Variants in BAIAP2 observed in about 807,000 individuals in gnomAD.
BAIAP2 encodes the protein BAR/IMD domain containing adaptor protein 2, also known as BAR/IMD domain-containing adapter protein 2.
In BAIAP2, 18 loss-of-function variants were observed where a neutral mutation model predicts 63.0. The observed-to-expected ratio is 0.29, with a 90% confidence interval of 0.20 to 0.42. The LOEUF (loss-of-function observed/expected upper bound fraction) is 0.42. BAIAP2 is among the 10% of genes least tolerant of loss of function. The pLI is 1.00. For synonymous variants in BAIAP2, 386 were observed against 307.6 expected, an observed-to-expected ratio of 1.25 and a Z score of -2.67; for missense variants, 610 against 734.3, an observed-to-expected ratio of 0.83 and a Z score of 1.96.
At chr17:81,061,383 C>G (rs1375235774) in intron 3 of BAIAP2, among the ~76,000 whole-genome samples, 1 of 152,152 alleles carries the variant, frequency 6.6e-6, no homozygotes, top group African/African-American at 2.4e-5. Flanking sequence ...AAGCTGTGGC[C>G]ACAATCACAA....
intron 1 of BAIAP2, among the ~76,000 whole-genome samples, chr17:81,037,549 G>A (rs1366923326): frequency 6.6e-6 from 1 of 152,262 alleles, no homozygotes; most frequent in East Asian, 1.9e-4. Flanking sequence ...ATAGTCAGGA[G>A]ACCGCTGAGG....
In BAIAP2 at chr17:81,057,973, A is replaced by ACACCCCCCCCCCCCCCCC. The variant is rs2049872248; in HGVS notation, c.217+7_217+8insACCCCCCCCCCCCCCCCC. 1 of 700,452 alleles carries ACACCCCCCCCCCCCCCCC rather than the reference A, an allele frequency of 1.4e-6. No homozygotes were observed. Among genetic ancestry groups the ACACCCCCCCCCCCCCCCC allele is most frequent in the Non-Finnish European group, 1.9e-6 (1 of 539,718 alleles). 43.4% of individuals were successfully genotyped at this position (700,452 alleles called of 1,614,324 possible). A position where few individuals can be genotyped will look rare whatever the true frequency, so the allele number is the denominator to read the frequency against. On this transcript the variant is annotated splice_region_variant and intron_variant, in intron 3 of 13. Transcript: ENST00000428708. ...CCAGGGCTCCAAAGAACTCGGTGAG[A>ACACCCCCCCCCCCCCCCC]CCCCCCCCCCCCCCCCGCCTGGTAG...
rs1236622737 is a variant in BAIAP2, at chr17:81,073,663, CCA to C, written c.218-11168_218-11167del. Among the ~76,000 whole-genome samples the C allele has an allele frequency of 2.0e-5, 3 of 152,208 alleles. No individual in the cohort carries two copies. The East Asian group carries it at 5.8e-4, about 29-fold the overall frequency. ...TCCGAGGCCCAGGCTCTTCCCTCCC[CCA>C]GTCTTTTTCACTGTCTCTGAGATTC... On this transcript the variant is annotated intron_variant, in intron 3 of 13. Transcript: ENST00000428708.
chr17:81,036,884 C>G, intron 1 of BAIAP2: 1 of 1,535,924 alleles, frequency 6.5e-7, no homozygotes, highest in Non-Finnish European at 8.7e-7. Flanking sequence ...GAAGTACCAG[C>G]GGAACCTTTT....
At chr17:81,080,679 G>A (rs2054462152) in intron 3 of BAIAP2, among the ~76,000 whole-genome samples, 2 of 152,208 alleles carry the variant, frequency 1.3e-5, no homozygotes, top group African/African-American at 4.8e-5. Flanking sequence ...GGGAACACGT[G>A]CTTGTTATCT....
At chr17:81,093,949 C>CG (rs1201016464) in intron 6 of BAIAP2, among the ~76,000 whole-genome samples, 5 of 151,342 alleles carry the variant, frequency 3.3e-5, no homozygotes, top group African/African-American at 1.2e-4. Context: ...CCACCACCCC[C>CG]GTGAGGACAG....
chr17:81,098,026 A>G lies in BAIAP2; in HGVS notation c.490-1902A>G, dbSNP rs549940628. The G allele has an allele frequency of 4.7e-6, 5 of 1,058,438 alleles. No homozygotes were observed. The East Asian group carries it at 9.7e-5, about 21-fold the overall frequency. The allele number at this position is 1,058,438 out of a possible 1,614,324, so 65.6% of individuals were successfully genotyped here. A position where few individuals can be genotyped will look rare whatever the true frequency, so the allele number is the denominator to read the frequency against. ...GGGTGCCGGGTGTCAGCTGTGCCAT[A>G]GGGCTGTGGTGTCACGCGCTACCCC... On this transcript the variant is annotated intron_variant, in intron 6 of 13. Transcript: ENST00000428708.
rs1029672756 is a variant in BAIAP2 at position 81,116,700 on chromosome 17, G to A, written c.*861G>A. ...CTGGGGAGCTCTGCTGGAATTGGGG[G>A]TTTTAAAACTTCATTAGCAGATTTG... On this transcript the variant is annotated 3_prime_UTR_variant, in exon 14 of 14. Coordinates refer to ENST00000428708, the MANE Select transcript of BAIAP2 (RefSeq NM_001144888.2). The A allele has an allele frequency of 3.8e-6, 1 of 262,032 alleles. No individual in the cohort carries two copies. Among genetic ancestry groups the A allele is most frequent in the African/African-American group, 2.2e-5 (1 of 46,240 alleles). The allele number at this position is 262,032 out of a possible 1,614,324, so 16.2% of individuals were successfully genotyped here.
intron 1 of BAIAP2, among the ~76,000 whole-genome samples, chr17:81,053,121 C>A (rs1437256658): frequency 6.6e-6 from 1 of 152,226 alleles, no homozygotes; most frequent in East Asian, 1.9e-4. Context: ...CACCGAGATG[C>A]CCGTCCGTCG....
At position 81,116,544 on chromosome 17, in the gene BAIAP2, C is replaced by T. The variant is rs1274335448; in HGVS notation, c.*705C>T. ...CCAGCTCGCTCCTGCGGCCAAAGGCCAGCTGTCAGGTGCTATGCGGGGTCA... is the reference window on the plus strand; with the variant it reads ...CCAGCTCGCTCCTGCGGCCAAAGGCTAGCTGTCAGGTGCTATGCGGGGTCA... On this transcript the variant is annotated 3_prime_UTR_variant, in exon 14 of 14. Coordinates refer to ENST00000428708, the MANE Select transcript of BAIAP2 (RefSeq NM_001144888.2). 13 of 579,858 alleles carry T rather than the reference C, an allele frequency of 2.2e-5. No homozygotes were observed. Among genetic ancestry groups the T allele is most frequent in the South Asian group, 4.1e-5 (2 of 49,004 alleles). The allele number at this position is 579,858 out of a possible 1,614,324, so 35.9% of individuals were successfully genotyped here. A position where few individuals can be genotyped will look rare whatever the true frequency, so the allele number is the denominator to read the frequency against.
At chr17:81,079,594 C>A (rs1409523066) in intron 3 of BAIAP2, among the ~76,000 whole-genome samples, 3 of 152,150 alleles carry the variant, frequency 2.0e-5, no homozygotes, top group East Asian at 1.9e-4. Context: ...AGTTGGCTGA[C>A]CCATCAGCCT....
At chr17:81,061,663 C>T (rs984401808) in intron 3 of BAIAP2, among the ~76,000 whole-genome samples, 6 of 152,174 alleles carry the variant, frequency 3.9e-5, no homozygotes, top group Admixed American at 1.3e-4. Flanking sequence ...TTTGGCCGTA[C>T]CCTCATCTGT....
At chr17:81,109,338 G>T in intron 13 of BAIAP2, 1 of 1,100,018 alleles carries the variant, frequency 9.1e-7, no homozygotes, top group Non-Finnish European at 1.1e-6. Context: ...CTCGCCGTGA[G>T]CCAGGTCTAA....
chr17:81,105,703 G>T (rs1490822764), intron 10 of BAIAP2: 2 of 217,828 alleles, frequency 9.2e-6, no homozygotes, highest in Non-Finnish European at 1.9e-5. Flanking sequence ...GAGGGCAGGG[G>T]GTCTCCCAGG....
At chr17:81,097,182 A>G (rs1299256211) in intron 6 of BAIAP2, among the ~76,000 whole-genome samples, 1 of 152,176 alleles carries the variant, frequency 6.6e-6, no homozygotes, top group Non-Finnish European at 1.5e-5. Context: ...GTCAAGGCCT[A>G]CTGGGGATAG....
chr17:81,036,372 A>G (rs2046268021), intron 1 of BAIAP2, among the ~76,000 whole-genome samples: 1 of 152,024 alleles, frequency 6.6e-6, no homozygotes, highest in Admixed American at 6.5e-5. Context: ...TCGCTGGTTC[A>G]TGTTTCCTAA....
intron 2 of BAIAP2, among the ~76,000 whole-genome samples, chr17:81,054,796 C>T (rs75847241): frequency 1.5e-4 from 23 of 152,282 alleles, no homozygotes; most frequent in African/African-American, 4.1e-4. Context: ...CACTCCACTG[C>T]GGGGCCTTGG....
chr17:81,108,129 T>G, intron 12 of BAIAP2: 1 of 389,468 alleles, frequency 2.6e-6, no homozygotes, highest in Non-Finnish European at 4.6e-6. Context: ...ATGGGTGAGG[T>G]GCTGCAGGTG....
chr17:81,085,577 C>T (rs1462755968), intron 4 of BAIAP2, 77 bp from the exon 5 acceptor site: 10 of 1,296,314 alleles, frequency 7.7e-6, no homozygotes, highest in Non-Finnish European at 1.0e-5. Context: ...TGCCCATCCG[C>T]TCTAGCCCTG....
Sources: allele counts gnomAD v4.1 joint callset (sites outside exome capture counted in the v4.1 genomes callset), GRCh38; gene constraint gnomAD v4.1.1; transcripts MANE v1.5; gene names NCBI Gene and HGNC (gene_info 2026-07-23, HGNC 2026-07-21).